ADCY5: variants seen among roughly 807,000 people sequenced by gnomAD.
ADCY5 encodes adenylate cyclase 5.
In ADCY5, 30 loss-of-function variants were observed where a neutral mutation model predicts 119.7. The observed-to-expected ratio is 0.25, with a 90% CI of 0.19 to 0.34. The LOEUF is 0.34. Among genes scored for constraint, ADCY5 ranks in the 10% least tolerant of loss-of-function variants. The pLI is 1.00. For synonymous variants in ADCY5, 753 were observed against 762.2 expected (o/e 0.99, Z 0.20); for missense variants, 1,324 against 1,775.2 (o/e 0.75, Z 4.57).
intron 1 of ADCY5, among the ~76,000 whole-genome samples, chr3:123,381,529 T>C (rs962363836): frequency 6.6e-6 from 1 of 152,244 alleles, no homozygotes; most frequent in African/African-American, 2.4e-5. Flanking sequence ...CTGGATGGTT[T>C]AGCCACAGGG....
At chr3:123,290,736 G>C (rs1229293967) in intron 18 of ADCY5, among the ~76,000 whole-genome samples, 4 of 152,190 alleles carry the variant, frequency 2.6e-5, no homozygotes, top group Non-Finnish European at 5.9e-5. Flanking sequence ...CCCAGGCCCT[G>C]GGACCCCATG....
intron 12 of ADCY5, among the ~76,000 whole-genome samples, chr3:123,304,489 A>G (rs1160084849): frequency 3.3e-5 from 5 of 152,128 alleles, no homozygotes; most frequent in African/African-American, 1.2e-4. Context: ...AAATCAATAA[A>G]AAGCACATTG....
At chr3:123,308,073 G>T (rs1454641745) in intron 12 of ADCY5, among the ~76,000 whole-genome samples, 2 of 117,480 alleles carry the variant, frequency 1.7e-5, no homozygotes, top group South Asian at 2.8e-4. Flanking sequence ...TCGCTCTGTC[G>T]CCCAGGCTGG....
rs1352998225 is a variant in ADCY5, at chr3:123,283,894, C to CTCTT, written c.*710_*713dup. ...GTGGCGTCCTCGTTTGCTTGTGTGT[C>CTCTT]TCTTACACGCATACAACTAGCATAG... is the stretch of plus-strand genomic sequence containing the variant. On this transcript the variant is annotated 3_prime_UTR_variant, in exon 21 of 21. Transcript: ENST00000462833. 10 of 152,366 alleles carry CTCTT rather than the reference C, an allele frequency of 6.6e-5. No homozygotes were observed. The highest frequency in any genetic ancestry group is 3.4e-3 in the Middle Eastern group (1 of 294). The allele number at this position is 152,366 out of a possible 1,614,324, so 9.4% of individuals were successfully genotyped here.
At chr3:123,383,216 T>G (rs1392376856) in intron 1 of ADCY5, among the ~76,000 whole-genome samples, 1 of 152,174 alleles carries the variant, frequency 6.6e-6, no homozygotes, top group Non-Finnish European at 1.5e-5. Context: ...AGTCGCATTT[T>G]GGAAATCTGA....
At chr3:123,363,992 A>G (rs1943346416) in intron 1 of ADCY5, among the ~76,000 whole-genome samples, 1 of 152,250 alleles carries the variant, frequency 6.6e-6, no homozygotes, top group Admixed American at 6.5e-5. Flanking sequence ...ATAACATTCA[A>G]CATTGTGGGA....
At chr3:123,349,329 C>A (rs964071358) in intron 2 of ADCY5, among the ~76,000 whole-genome samples, 2 of 152,220 alleles carry the variant, frequency 1.3e-5, no homozygotes, top group African/African-American at 2.4e-5. Flanking sequence ...ATTCCTTTCC[C>A]CTCAGCCGCA....
chr3:123,426,299 G>GTTTTTTTTTTTTTTTTTTTTTTTTT (rs750760543), intron 1 of ADCY5, among the ~76,000 whole-genome samples: 4 of 97,946 alleles, frequency 4.1e-5, no homozygotes, highest in African/African-American at 3.4e-5. Context: ...TTTCTTTTGT[G>GTTTTTTTTTTTTTTTTTTTTTTTTT]TTTTTTTTTT....
chr3:123,412,662 G>A (rs1395713206), intron 1 of ADCY5, among the ~76,000 whole-genome samples: 1 of 152,184 alleles, frequency 6.6e-6, no homozygotes, highest in Non-Finnish European at 1.5e-5. Context: ...AGCACCCATT[G>A]AGGGTCATCT....
chr3:123,431,745 A>G (rs1476741258), intron 1 of ADCY5, among the ~76,000 whole-genome samples: 8 of 152,222 alleles, frequency 5.3e-5, no homozygotes, highest in Non-Finnish European at 1.0e-4. Context: ...ACCAACCACC[A>G]ACCAAGTTTT....
Position 123,284,362 on chromosome 3 carries a change from A to C in ADCY5, c.*246T>G, listed in dbSNP as rs913277465. The stretch of plus-strand genomic sequence containing the variant: ...ACTCAAGCTTCAGACCCAGTCTAGC[A>C]GAGTCTTCTACAGAGGGAAACATCT... On this transcript the variant is annotated 3_prime_UTR_variant, in exon 21 of 21. Coordinates refer to ENST00000462833, the MANE Select transcript of ADCY5 (RefSeq NM_183357.3). The C allele has an allele frequency of 5.6e-6, 3 of 531,886 alleles. No individual in the cohort carries two copies. The highest frequency in any genetic ancestry group is 1.0e-5 in the Non-Finnish European group (3 of 299,142). The allele number at this position is 531,886 out of a possible 1,614,324, so 32.9% of individuals were successfully genotyped here.
At chr3:123,386,300 C>T (rs1944223283) in intron 1 of ADCY5, among the ~76,000 whole-genome samples, 1 of 152,192 alleles carries the variant, frequency 6.6e-6, no homozygotes, top group Admixed American at 6.5e-5. Flanking sequence ...TTAACGTCAA[C>T]CAGGAGCCCC....
At chr3:123,431,958 A>C (rs576629149) in intron 1 of ADCY5, among the ~76,000 whole-genome samples, 6 of 152,286 alleles carry the variant, frequency 3.9e-5, no homozygotes, top group Admixed American at 3.3e-4. Flanking sequence ...CACCCACAGC[A>C]TTACAAAACG....
At chr3:123,319,479 A>G (rs2108343238) in intron 10 of ADCY5, among the ~76,000 whole-genome samples, 195 bp downstream of exon 10, 1 of 152,288 alleles carries the variant, frequency 6.6e-6, no homozygotes, top group Middle Eastern at 3.4e-3. Context: ...CAGAGAAGTC[A>G]AGGTGTATCC....
At chr3:123,412,042 C>T (rs542070083) in intron 1 of ADCY5, among the ~76,000 whole-genome samples, 2 of 152,336 alleles carry the variant, frequency 1.3e-5, no homozygotes, top group African/African-American at 4.8e-5. Context: ...TCCAGGAGCT[C>T]AGGATGCCTG....
chr3:123,388,765 C>G (rs563329761), intron 1 of ADCY5, among the ~76,000 whole-genome samples: 26 of 152,272 alleles, frequency 1.7e-4, no homozygotes, highest in Admixed American at 1.0e-3. Context: ...GGAGACCCAT[C>G]ATGTGGCAGC....
chr3:123,419,312 C>T, intron 1 of ADCY5: 1 of 530,792 alleles, frequency 1.9e-6, no homozygotes, highest in Non-Finnish European at 2.4e-6. Flanking sequence ...AATGGCAGCA[C>T]TATTCCATCA....
At chr3:123,324,407 CACACACACACA>C (rs1941372023) in intron 8 of ADCY5, among the ~76,000 whole-genome samples, 1 of 586 alleles carries the variant, frequency 1.7e-3, no homozygotes, top group African/African-American at 0.021. Context: ...ACAGAAACCA[CACACACACACA>C]CACACACACA....
At position 123,325,333 on chromosome 3, in the gene ADCY5, T is replaced by G. The variant is rs1298415062; in HGVS notation, c.2077A>C (p.Met693Leu). The stretch of plus-strand genomic sequence containing the variant: ...CACCAGCCACTCACCATCCGCTTCA[T>G]CTCCTTGGACACCTGGTTGCCACCC... The part of the protein sequence containing the change: ...HLGGNQVSKE[M>L]KRMGFEDPKD... The change falls in exon 8 of 21, where the codon ATG becomes CTG. Residue 693 changes from methionine to leucine, a missense_variant. Physicochemically the swap from Met to Leu is conservative, Grantham distance 15. Around this residue, in one of 6 missense-constraint regions of ADCY5, gnomAD observed 424 missense variants for 546.8 expected, o/e 0.78. Coordinates refer to ENST00000462833, the MANE Select transcript of ADCY5 (RefSeq NM_183357.3). 6.2e-7 allele frequency: 1 copy of G among 1,613,890 alleles called. No homozygotes were observed. The highest frequency in any genetic ancestry group is 1.3e-5 in the African/African-American group (1 of 74,888).
Sources: gnomAD v4.1 joint callset for allele counts (sites outside exome capture counted in the v4.1 genomes callset) on GRCh38, gnomAD v4.1.1 for gene constraint, gnomAD v4.1.1 regional missense constraint, MANE v1.5 for transcripts, NCBI Gene and HGNC (gene_info 2026-07-23, HGNC 2026-07-21) for gene names.